The following EVC2 variants were observed in gnomAD, a reference collection of about 807,000 sequenced individuals.
EVC2 encodes the protein limbin.
EVC2 carries 148 observed loss-of-function variants against 149.3 expected under a neutral mutation model. That is an observed-to-expected ratio of 0.99 (90% CI 0.87 to 1.14). The LOEUF (loss-of-function observed/expected upper bound fraction) is 1.14, where lower values mean the gene tolerates loss of function less well. EVC2 is among the 50% of genes most tolerant of loss of function. The pLI is 0.00. For synonymous variants in EVC2, 776 were observed against 649.9 expected (o/e 1.19, Z -2.95); for missense variants, 1,854 against 1,627.3 (o/e 1.14, Z -2.40).
chr4:5,663,401 G>A (rs1719036185), intron 8 of EVC2, among the ~76,000 whole-genome samples, 155 bp from the exon 9 acceptor site: 1 of 152,194 alleles, frequency 6.6e-6, no homozygotes. Context: ...TTTTGCGAAT[G>A]TCCCTGAGCC....
chr4:5,607,895 G>GGA (rs1714518813), intron 16 of EVC2, among the ~76,000 whole-genome samples: 1 of 151,902 alleles, frequency 6.6e-6, no homozygotes, highest in Admixed American at 6.6e-5. Context: ...CAGGGATGGG[G>GGA]GAGAACAGAG....
intron 16 of EVC2, among the ~76,000 whole-genome samples, chr4:5,601,795 G>C (rs1047382580): frequency 1.1e-4 from 17 of 152,184 alleles, no homozygotes; most frequent in Non-Finnish European, 7.3e-5. Context: ...ATAAAACCAG[G>C]AAAGAGAGGA....
rs376155783 is a variant in EVC2, at chr4:5,622,570, G to T, written c.2468C>A (p.Ala823Glu). The T allele has an allele frequency of 6.2e-7, 1 of 1,613,938 alleles. No individual in the cohort carries two copies. The highest frequency in any genetic ancestry group is 1.1e-5 in the South Asian group (1 of 91,040). ...DAPEAVTEEQ[A>E]ELRRWEHLIF... ...CAGGTGCTCCCAGCGTCGCAGCTCT[G>T]CCTGCTCCTCTGTCACGGCCTCAGG... Residue 823 changes from alanine (A) to glutamate (E), a missense_variant, in exon 14 of 22, where the codon GCA becomes GAA. Physicochemically the swap from Ala to Glu is moderately radical, Grantham distance 107 (BLOSUM62 -1). Coordinates refer to ENST00000344408, the MANE Select transcript of EVC2 (RefSeq NM_147127.5). This position sits in a 1 kb window ranked among gnomAD's most constrained non-coding sequence, Gnocchi z 5.8.
At chr4:5,581,372 A>G (rs1303843020) in intron 17 of EVC2, among the ~76,000 whole-genome samples, 1 of 152,200 alleles carries the variant, frequency 6.6e-6, no homozygotes, top group African/African-American at 2.4e-5. Flanking sequence ...CAAAATGCTG[A>G]TTGTGATATG....
chr4:5,630,508 A>C (rs1411297307), intron 11 of EVC2, among the ~76,000 whole-genome samples: 1 of 152,196 alleles, frequency 6.6e-6, no homozygotes, highest in Non-Finnish European at 1.5e-5. Flanking sequence ...CTGTCCTTCT[A>C]GCACAAGTAG....
intron 9 of EVC2, among the ~76,000 whole-genome samples, chr4:5,655,392 A>T (rs1468969248): frequency 3.3e-5 from 5 of 152,154 alleles, no homozygotes; most frequent in Non-Finnish European, 1.5e-5. Flanking sequence ...GGCTGGAGTG[A>T]GGAGGGATTC....
intron 17 of EVC2, 33 bp downstream of exon 17, chr4:5,584,590 T>C: frequency 6.2e-7 from 1 of 1,601,104 alleles, no homozygotes; most frequent in Non-Finnish European, 8.5e-7. Flanking sequence ...GACCCAGCTC[T>C]GTCCCCCTCT....
chr4:5,584,079 G>C (rs1322741103), intron 17 of EVC2, among the ~76,000 whole-genome samples: 1 of 151,878 alleles, frequency 6.6e-6, no homozygotes, highest in Non-Finnish European at 1.5e-5. Context: ...ATAAATGTGA[G>C]GGGTTTTTTC....
chr4:5,681,584 T>G (rs554876981), intron 6 of EVC2, among the ~76,000 whole-genome samples: 1 of 152,130 alleles, frequency 6.6e-6, no homozygotes, highest in Non-Finnish European at 1.5e-5. Context: ...GGAGAAACGC[T>G]TGGGGTTGGG....
rs535251897 is a variant in EVC2, at chr4:5,688,030, A to G, written c.706+1127T>C. 3.9e-5 allele frequency among the ~76,000 whole-genome samples: 6 copies of G among 152,338 alleles called. No individual in the cohort carries two copies. The South Asian group carries it at 1.2e-3, about 32-fold the overall frequency. On this transcript the variant is annotated intron_variant, in intron 5 of 21. Transcript: ENST00000344408. ...TGCTCTGCTCGTGGCTCCATGCTCC[A>G]TGCTTTGAACACGAGTTAAGAATAG...
the EVC2 span, among the ~76,000 whole-genome samples, chr4:5,534,567 TC>T: frequency 6.6e-6 from 1 of 152,210 alleles, no homozygotes; most frequent in Non-Finnish European, 1.5e-5. Flanking sequence ...CTAATAAATT[TC>T]CTGTGACCTT....
intron 9 of EVC2, among the ~76,000 whole-genome samples, chr4:5,652,770 T>C (rs1718238892): frequency 6.6e-6 from 1 of 152,118 alleles, no homozygotes; most frequent in Non-Finnish European, 1.5e-5. Context: ...CTATTAAGCA[T>C]CAGAATGACC....
rs1722948098 is a variant in EVC2 at position 5,576,527 on chromosome 4, C to T, written c.3058-73G>A. 4 of 1,536,044 alleles carry T rather than the reference C, an allele frequency of 2.6e-6. No homozygotes were observed. The highest frequency in any genetic ancestry group is 2.0e-5 in the Admixed American group (1 of 50,994). ...GGGGTGGAGGACAAAATCTGACCTC[C>T]TGGGTGTCTTGCTACAAGTCTGGCA... On this transcript the variant is annotated intron_variant, in intron 17 of 21. Transcript: ENST00000344408. The surrounding 1 kb of genome is among the most constrained non-coding windows in gnomAD (Gnocchi z 4.5).
chr4:5,647,243 G>A (rs961184152), intron 9 of EVC2, among the ~76,000 whole-genome samples: 7 of 152,242 alleles, frequency 4.6e-5, no homozygotes, highest in East Asian at 1.9e-4. Flanking sequence ...ATGAGGCCAC[G>A]TGTGCCCTGT....
intron 21 of EVC2, among the ~76,000 whole-genome samples, chr4:5,543,867 T>C (rs547839693): frequency 6.6e-6 from 1 of 152,270 alleles, no homozygotes; most frequent in Non-Finnish European, 1.5e-5. Context: ...ATAGCACATT[T>C]CTTGTGCCCA....
At chr4:5,692,836 C>T (rs537464625) in intron 3 of EVC2, among the ~76,000 whole-genome samples, 11 of 141,230 alleles carry the variant, frequency 7.8e-5, no homozygotes, top group Non-Finnish European at 1.5e-4. Context: ...CACTGCAGTC[C>T]GCAGTCCGGC....
At chr4:5,643,919 C>A (rs549761421) in intron 9 of EVC2, among the ~76,000 whole-genome samples, 1 of 152,260 alleles carries the variant, frequency 6.6e-6, no homozygotes, top group East Asian at 1.9e-4. Flanking sequence ...AAAACAATCC[C>A]AATAATTAGA....
At chr4:5,627,193 T>A (rs1716180282) in intron 12 of EVC2, among the ~76,000 whole-genome samples, 1 of 152,148 alleles carries the variant, frequency 6.6e-6, no homozygotes, top group Non-Finnish European at 1.5e-5. Flanking sequence ...CAGGGAAGAC[T>A]CTCAAGGGAG....
chr4:5,530,036 G>C, the EVC2 span, among the ~76,000 whole-genome samples: 1 of 152,088 alleles, frequency 6.6e-6, no homozygotes, highest in Non-Finnish European at 1.5e-5. Context: ...GGCTGGTCTT[G>C]AACTCCCGAC....
Sources: gnomAD v4.1 joint callset for allele counts (sites outside exome capture counted in the v4.1 genomes callset) on GRCh38, gnomAD v4.1.1 for gene constraint, Gnocchi (gnomAD v3.1) non-coding constraint, MANE v1.5 for transcripts, NCBI Gene and HGNC (gene_info 2026-07-23, HGNC 2026-07-21) for gene names.